LINGO1: variants seen among roughly 807,000 people sequenced by gnomAD.
LINGO1 encodes the protein leucine rich repeat and Ig domain containing 1.
A neutral mutation model predicts 37.3 loss-of-function variants in LINGO1; 11 were observed. That is an observed-to-expected ratio of 0.29 (90% CI 0.19 to 0.49). The LOEUF is 0.49. Ranked by LOEUF, LINGO1 falls within the 20% of genes least tolerant of loss-of-function variation. LINGO1 has a pLI of 0.99. For missense variants in LINGO1, 585 were observed against 878.2 expected, an observed-to-expected ratio of 0.67 and a Z score of 4.22; for synonymous variants, 387 against 403.0, an observed-to-expected ratio of 0.96 and a Z score of 0.48.
intron 1 of LINGO1, among the ~76,000 whole-genome samples, chr15:77,809,868 TG>T (rs1209970860): frequency 1.3e-5 from 2 of 152,026 alleles, no homozygotes; most frequent in Non-Finnish European, 2.9e-5. Flanking sequence ...CGAGGTGAGG[TG>T]GCTTCCTCTC....
intron 1 of LINGO1, among the ~76,000 whole-genome samples, chr15:77,750,126 C>T (rs780115689): frequency 1.3e-5 from 2 of 152,048 alleles, no homozygotes; most frequent in Non-Finnish European, 2.9e-5. Context: ...GCAGGGGCCA[C>T]GTCCCCGATG....
At chr15:77,644,080 A>T (rs2074568931) in intron 3 of LINGO1, among the ~76,000 whole-genome samples, 1 of 152,228 alleles carries the variant, frequency 6.6e-6, no homozygotes. Context: ...GTGACCGTGA[A>T]TCTAGCTGGG....
chr15:77,748,907 CTCTTTTTTTTTTTT>C (rs1199666829), intron 1 of LINGO1, among the ~76,000 whole-genome samples: 1 of 94,858 alleles, frequency 1.1e-5, no homozygotes, highest in African/African-American at 3.6e-5. Flanking sequence ...TTCCTTCCTT[CTCTTTTTTTTTTTT>C]TTTTTTTTTG....
At chr15:77,680,239 G>A (rs1567516382) in intron 2 of LINGO1, among the ~76,000 whole-genome samples, 1 of 152,150 alleles carries the variant, frequency 6.6e-6, no homozygotes, top group Admixed American at 6.5e-5. Context: ...CCACTACCCT[G>A]CCCACATCCC....
At position 77,713,247 on chromosome 15, in the gene LINGO1, T is replaced by TGC. The variant is rs1351519912; in HGVS notation, c.-195+21744_-195+21745insGC. Among the ~76,000 whole-genome samples the TGC allele has an allele frequency of 1.8e-4, 24 of 133,800 alleles. 1 individual carries two copies. The highest frequency in any genetic ancestry group is 6.3e-4 in the African/African-American group (24 of 38,322). The allele number at this position is 133,800 out of a possible 152,430, so 87.8% of individuals were successfully genotyped here. On this transcript the variant is annotated intron_variant, in intron 2 of 3. Coordinates refer to the LINGO1 transcript ENST00000561686. The stretch of plus-strand genomic sequence containing the variant: ...GTGTGTGTGTGTGTGTGTGTGTGTG[T>TGC]GTGTGTGTGTTGTAGAGACAGGGTT...
upstream of LINGO1, among the ~76,000 whole-genome samples, chr15:77,697,066 G>A (rs1445872606): frequency 6.6e-6 from 1 of 152,244 alleles, no homozygotes; most frequent in Non-Finnish European, 1.5e-5. Flanking sequence ...CAGAGAGGAG[G>A]GCAGGAGCTT....
chr15:77,714,818 C>T (rs2075963980), intron 2 of LINGO1, among the ~76,000 whole-genome samples: 1 of 152,208 alleles, frequency 6.6e-6, no homozygotes, highest in Non-Finnish European at 1.5e-5. Context: ...ACTCCACTTT[C>T]CCCCAAACAA....
intron 1 of LINGO1, among the ~76,000 whole-genome samples, chr15:77,814,314 C>A (rs1339882719): frequency 6.6e-6 from 1 of 152,182 alleles, no homozygotes; most frequent in Non-Finnish European, 1.5e-5. Flanking sequence ...CTTCTGGAGA[C>A]CCACTTCCCA....
chr15:77,624,832 G>A (rs941618306), intron 1 of LINGO1, among the ~76,000 whole-genome samples: 2 of 152,174 alleles, frequency 1.3e-5, no homozygotes, highest in Non-Finnish European at 2.9e-5. Context: ...GCAGGCAAGT[G>A]CCTATTCGGG....
chr15:77,647,754 T>G (rs1712065609), intron 3 of LINGO1: 2 of 420,742 alleles, frequency 4.8e-6, no homozygotes, highest in Admixed American at 5.2e-5. Flanking sequence ...TGTCCCTAAC[T>G]GCTTTGCCCT....
chr15:77,662,815 C>T (rs1479584357), intron 3 of LINGO1, among the ~76,000 whole-genome samples: 1 of 152,230 alleles, frequency 6.6e-6, no homozygotes, highest in Non-Finnish European at 1.5e-5. Flanking sequence ...ACACACACTG[C>T]ACATGTGTAT....
chr15:77,795,868 G>A (rs1213602547), intron 2 of LINGO1: 3 of 152,344 alleles, frequency 2.0e-5, no homozygotes, highest in African/African-American at 7.2e-5. Context: ...CCCCCAGAAA[G>A]ATGGCCCCAT....
chr15:77,630,224 C>T (rs556905773), intron 1 of LINGO1, among the ~76,000 whole-genome samples: 18 of 152,210 alleles, frequency 1.2e-4, no homozygotes, highest in African/African-American at 3.6e-4. Flanking sequence ...CCACTGGACA[C>T]GCTGCCTCAT....
At chr15:77,666,883 CAGG>C (rs998541813) in intron 3 of LINGO1, 1 of 152,256 alleles carries the variant, frequency 6.6e-6, no homozygotes, top group African/African-American at 2.4e-5. Flanking sequence ...GCTGGCAGCA[CAGG>C]AGACAGGCAG....
At chr15:77,620,840 G>T (rs1241578621) in intron 1 of LINGO1, among the ~76,000 whole-genome samples, 1 of 152,140 alleles carries the variant, frequency 6.6e-6, no homozygotes, top group East Asian at 1.9e-4. Context: ...GGTAGTTAGG[G>T]GAGATGGAAG....
intron 3 of LINGO1, among the ~76,000 whole-genome samples, chr15:77,653,977 T>C (rs923373713): frequency 6.6e-6 from 1 of 152,248 alleles, no homozygotes; most frequent in African/African-American, 2.4e-5. Flanking sequence ...TCTTAGGCAC[T>C]TGGTGTGGAA....
intron 1 of LINGO1, among the ~76,000 whole-genome samples, chr15:77,754,371 G>A (rs2076400298): frequency 6.6e-6 from 1 of 152,248 alleles, no homozygotes; most frequent in East Asian, 1.9e-4. Flanking sequence ...TTGAGAAGCA[G>A]ATCTTGGCAG....
At chr15:77,776,758 G>A (rs969602550) in intron 1 of LINGO1, among the ~76,000 whole-genome samples, 5 of 152,140 alleles carry the variant, frequency 3.3e-5, no homozygotes, top group African/African-American at 9.7e-5. Context: ...TCCTTCTACC[G>A]CAGCCTTGGC....
intron 1 of LINGO1, among the ~76,000 whole-genome samples, chr15:77,782,521 C>T (rs1048324100): frequency 6.6e-6 from 1 of 152,126 alleles, no homozygotes; most frequent in Non-Finnish European, 1.5e-5. Context: ...ACCGAAGGCC[C>T]GATGCTCCAC....
Sources: gnomAD v4.1 joint callset for allele counts (sites outside exome capture counted in the v4.1 genomes callset) on GRCh38, gnomAD v4.1.1 for gene constraint, MANE v1.5 for transcripts, NCBI Gene and HGNC (gene_info 2026-07-23, HGNC 2026-07-21) for gene names.